The following PHC3 variants were observed in gnomAD, a reference collection of about 807,000 sequenced individuals.
PHC3 encodes polyhomeotic-like protein 3.
PHC3 carries 13 observed loss-of-function variants against 107.4 expected under a neutral mutation model. The ratio of observed to expected loss-of-function variants is 0.12; its 90% confidence interval spans 0.08 to 0.19. PHC3 has a LOEUF of 0.19. Among genes scored for constraint, PHC3 ranks in the 10% least tolerant of loss-of-function variants. The pLI is 1.00. For missense variants in PHC3, 992 were observed against 1,210.9 expected (o/e 0.82, Z 2.68); for synonymous variants, 456 against 427.4 (o/e 1.07, Z -0.83).
At chr3:170,118,215 T>G (rs1291641577) in intron 9 of PHC3, among the ~76,000 whole-genome samples, 1 of 152,134 alleles carries the variant, frequency 6.6e-6, no homozygotes, top group Admixed American at 6.5e-5. Flanking sequence ...TTAAATGAAA[T>G]GGGGTCATGA....
chr3:170,098,322 AT>A (rs1340215759), intron 14 of PHC3, among the ~76,000 whole-genome samples: 2 of 152,198 alleles, frequency 1.3e-5, no homozygotes, highest in East Asian at 3.8e-4. Flanking sequence ...AAATTTTAAG[AT>A]GAATTTAAGA....
At chr3:170,139,860 TAAG>T (rs1373805315) in intron 6 of PHC3, among the ~76,000 whole-genome samples, 16 of 152,184 alleles carry the variant, frequency 1.1e-4, no homozygotes, top group Non-Finnish European at 1.9e-4. Context: ...CCATCCTTTC[TAAG>T]AAGAAGAATA....
Position 170,097,222 on chromosome 3 carries a change from T to C in PHC3, c.*8A>G, listed in dbSNP as rs745927956. The C allele has an allele frequency of 2.5e-6, 4 of 1,594,762 alleles. No homozygotes were observed. Among genetic ancestry groups the C allele is most frequent in the African/African-American group, 1.3e-5 (1 of 74,548 alleles). On this transcript the variant is annotated 3_prime_UTR_variant, in exon 15 of 15. Coordinates refer to ENST00000495893, the MANE Select transcript of PHC3 (RefSeq NM_024947.4). This position sits in a 1 kb window ranked among gnomAD's most constrained non-coding sequence, Gnocchi z 4.1. ...AAACTGCTGTTTTATCAAGGCTTCA[T>C]GTTCCTGTTAAGATTCCTTCAGAGA...
rs1297640011 is a variant in PHC3 at position 170,094,758 on chromosome 3, C to T, written c.*2472G>A. 6.6e-6 allele frequency: 1 copy of T among 152,082 alleles called. No homozygotes were observed. Among genetic ancestry groups the T allele is most frequent in the Admixed American group, 6.6e-5 (1 of 15,260 alleles). The allele number at this position is 152,082 out of a possible 1,614,324, so 9.4% of individuals were successfully genotyped here. On this transcript the variant is annotated 3_prime_UTR_variant, in exon 15 of 15. Transcript: ENST00000495893. ...TTGTGTATGTTTTGAGTGGGGACAA[C>T]AGAGATCTGGACTAGATTTAAGATT...
chr3:170,120,854 T>G (rs1270467903), intron 9 of PHC3, among the ~76,000 whole-genome samples: 3 of 152,160 alleles, frequency 2.0e-5, no homozygotes, highest in Non-Finnish European at 4.4e-5. Flanking sequence ...GCAGTCCTTC[T>G]TAACTGAAAA....
chr3:170,136,308 TA>T, intron 7 of PHC3, 110 bp downstream of exon 7: 1 of 1,284,356 alleles, frequency 7.8e-7, no homozygotes, highest in Non-Finnish European at 1.1e-6. Flanking sequence ...ATTCACATTT[TA>T]AAATGTTTTA....
In PHC3 at chr3:170,128,748, G is replaced by C; in HGVS notation, c.1724C>G (p.Pro575Arg). Residue 575 changes from proline (P) to arginine (R), a missense_variant, in exon 8 of 15, where the codon CCT becomes CGT. Coordinates refer to ENST00000495893, the MANE Select transcript of PHC3 (RefSeq NM_024947.4). ...ALVQLPFQTL[P>R]PPQTVAVNLQ... ...GTTTACCGCAACAGTCTGTGGAGGA[G>C]GAAGAGTCTGAAATGGCAACTGGAC... 3 of 1,614,020 alleles carry C rather than the reference G, an allele frequency of 1.9e-6. No homozygotes were observed. The highest frequency in any genetic ancestry group is 1.3e-5 in the African/African-American group (1 of 75,050).
intron 4 of PHC3, among the ~76,000 whole-genome samples, chr3:170,159,223 G>T (rs1727434604): frequency 7.3e-6 from 1 of 137,886 alleles, no homozygotes; most frequent in Admixed American, 8.0e-5. Flanking sequence ...CTGCACTCCA[G>T]CCTGGAAGAC....
At chr3:170,144,933 C>G (rs1016748844) in intron 6 of PHC3, among the ~76,000 whole-genome samples, 2 of 152,158 alleles carry the variant, frequency 1.3e-5, no homozygotes, top group African/African-American at 4.8e-5. Context: ...TCTTTAATGC[C>G]TGAGTTCACA....
intron 11 of PHC3, among the ~76,000 whole-genome samples, chr3:170,109,621 ATTTT>A (rs1281739473): frequency 1.3e-5 from 2 of 152,218 alleles, no homozygotes; most frequent in East Asian, 3.9e-4. Context: ...AGGGGAAGTT[ATTTT>A]TTATTTCCCC....
At chr3:170,111,716 TAAG>T (rs1188984880) in intron 11 of PHC3, among the ~76,000 whole-genome samples, 1 of 151,642 alleles carries the variant, frequency 6.6e-6, no homozygotes, top group East Asian at 1.9e-4. Flanking sequence ...GCTGTTCAAA[TAAG>T]AAGTAAAACG....
chr3:170,097,275 T>A lies in PHC3; in HGVS notation c.2943A>T (p.Pro981=), dbSNP rs748833254. 3.7e-6 allele frequency: 6 copies of A among 1,613,496 alleles called. 1 individual carries two copies. The highest frequency in any genetic ancestry group is 5.1e-6 in the Non-Finnish European group (6 of 1,179,532). Residue 981 remains proline (P), a synonymous_variant, in exon 15 of 15, where the codon CCA becomes CCT. Coordinates refer to ENST00000495893, the MANE Select transcript of PHC3 (RefSeq NM_024947.4). The surrounding 1 kb of genome is among the most constrained non-coding windows in gnomAD (Gnocchi z 4.1). ...TGATGCGTGCACAGATCTTCAGGGCTGGGCCTAGCTTGATATTCATTGCAC... is the reference window on the plus strand; with the variant it reads ...TGATGCGTGCACAGATCTTCAGGGCAGGGCCTAGCTTGATATTCATTGCAC... ...LMSAMNIKLG[P]ALKICARINS...
chr3:170,100,645 G>A (rs908855043), intron 14 of PHC3, among the ~76,000 whole-genome samples: 1 of 152,200 alleles, frequency 6.6e-6, no homozygotes, highest in East Asian at 1.9e-4. Context: ...AACTCTATAA[G>A]ACAAGCATTT....
At chr3:170,176,838 A>G (rs2108781222) in intron 2 of PHC3, 16 of 446,624 alleles carry the variant, frequency 3.6e-5, no homozygotes, top group South Asian at 2.4e-4. Flanking sequence ...TAATCCTCAG[A>G]GTAATTAATG....
intron 4 of PHC3, among the ~76,000 whole-genome samples, chr3:170,159,886 GA>G (rs1262478216): frequency 6.6e-6 from 1 of 151,838 alleles, no homozygotes; most frequent in Admixed American, 6.6e-5. Context: ...AATTTCCTCA[GA>G]AAAAATATTT....
At position 170,089,914 on chromosome 3, in the gene PHC3, CAAAAAAAAAAAAAAGAAAAA is replaced by C. The variant is rs1345152846; in HGVS notation, c.*7296_*7315del. Reference sequence around the variant, plus strand: ...CCTGGGCAACAGAGCGAACCCATCTCAAAAAAAAAAAAAAGAAAAAAAAAAAAAAAGAAAGAAAGTTGCTC... The same window carrying C: ...CCTGGGCAACAGAGCGAACCCATCTCAAAAAAAAAAGAAAGAAAGTTGCTC... On this transcript the variant is annotated 3_prime_UTR_variant, in exon 15 of 15. Coordinates refer to ENST00000495893, the MANE Select transcript of PHC3 (RefSeq NM_024947.4). 9.2e-5 allele frequency: 4 copies of C among 43,652 alleles called. No individual in the cohort carries two copies. In the South Asian group the frequency reaches 2.3e-3, roughly 25 times the overall value. The allele number at this position is 43,652 out of a possible 1,614,324, so 2.7% of individuals were successfully genotyped here. A position where few individuals can be genotyped will look rare whatever the true frequency, so the allele number is the denominator to read the frequency against.
rs752792789 is a variant in PHC3 at position 170,092,895 on chromosome 3, TAA to T, written c.*4333_*4334del. The T allele has an allele frequency of 6.6e-6, 1 of 152,176 alleles. No individual in the cohort carries two copies. Among genetic ancestry groups the T allele is most frequent in the Non-Finnish European group, 1.5e-5 (1 of 68,040 alleles). 9.4% of individuals were successfully genotyped at this position (152,176 alleles called of 1,614,324 possible). A position where few individuals can be genotyped will look rare whatever the true frequency, so the allele number is the denominator to read the frequency against. ...CTGATTACAGGTAAATCTTGACATATAAAAACTATAACCTATTTACTGCTATA... is the reference window on the plus strand; with the variant it reads ...CTGATTACAGGTAAATCTTGACATATAAACTATAACCTATTTACTGCTATA... On this transcript the variant is annotated 3_prime_UTR_variant, in exon 15 of 15. Coordinates refer to ENST00000495893, the MANE Select transcript of PHC3 (RefSeq NM_024947.4).
chr3:170,136,695 G>A, intron 6 of PHC3, 30 bp from the exon 7 acceptor site: 1 of 1,604,040 alleles, frequency 6.2e-7, no homozygotes, highest in Non-Finnish European at 8.5e-7. Flanking sequence ...AAATTAGGAT[G>A]AAAACAGATG....
intron 4 of PHC3, among the ~76,000 whole-genome samples, chr3:170,161,714 G>A (rs1727926700): frequency 6.6e-6 from 1 of 152,170 alleles, no homozygotes; most frequent in South Asian, 2.1e-4. Context: ...TTTAGAGGCT[G>A]GGAAGTCCAA....
Sources: gnomAD v4.1 joint callset for allele counts (sites outside exome capture counted in the v4.1 genomes callset) on GRCh38, gnomAD v4.1.1 for gene constraint, Gnocchi (gnomAD v3.1) non-coding constraint, MANE v1.5 for transcripts, NCBI Gene and HGNC (gene_info 2026-07-23, HGNC 2026-07-21) for gene names.